The following POLQ variants were observed in gnomAD, a reference collection of about 807,000 sequenced individuals.
POLQ encodes DNA polymerase theta.
A neutral mutation model predicts 259.2 loss-of-function variants in POLQ; 233 were observed. That is an observed-to-expected ratio of 0.90 (90% CI 0.81 to 1.00). The LOEUF is 1.00. Among genes scored for constraint, POLQ ranks in the 50% least tolerant of loss-of-function variants. The pLI, the probability that POLQ is intolerant of heterozygous loss-of-function variation, is 0.00. For synonymous variants in POLQ, 1,025 were observed against 1,048.8 expected (o/e 0.98, Z 0.44); for missense variants, 2,871 against 3,051.6 (o/e 0.94, Z 1.39).
At position 121,441,746 on chromosome 3, in the gene POLQ, T is replaced by C. The variant is rs571429675; in HGVS notation, c.7265-1630A>G. Reference sequence around the variant, plus strand: ...CATGCTTTCATTTTTCTTGCACAAATACGATAGTAGAATTGCACGGTTATA... The same window carrying C: ...CATGCTTTCATTTTTCTTGCACAAACACGATAGTAGAATTGCACGGTTATA... On this transcript the variant is annotated intron_variant, in intron 26 of 29. Transcript: ENST00000264233. Among the ~76,000 whole-genome samples the C allele has an allele frequency of 2.6e-5, 4 of 152,332 alleles. No individual in the cohort carries two copies. The South Asian group carries it at 6.2e-4, about 24-fold the overall frequency.
intron 13 of POLQ, 23 bp from the exon 14 acceptor site, chr3:121,496,955 G>A (rs769949059): frequency 1.6e-5 from 26 of 1,610,172 alleles, no homozygotes; most frequent in African/African-American, 1.1e-4. Context: ...CATCAAAAGC[G>A]TGGTAAGAGA....
chr3:121,468,529 T>A, intron 22 of POLQ, 98 bp from the exon 23 acceptor site: 2 of 763,988 alleles, frequency 2.6e-6, no homozygotes, highest in Non-Finnish European at 4.3e-6. Context: ...AAATGCAGAC[T>A]ATCAATGCTG....
chr3:121,434,046 T>C (rs997055189), intron 28 of POLQ, among the ~76,000 whole-genome samples: 14 of 152,196 alleles, frequency 9.2e-5, no homozygotes, highest in African/African-American at 3.1e-4. Context: ...TCAGCTGAAA[T>C]CGGATCTGCC....
intron 28 of POLQ, among the ~76,000 whole-genome samples, chr3:121,434,754 C>G (rs918086108): frequency 6.6e-6 from 1 of 152,164 alleles, no homozygotes; most frequent in Non-Finnish European, 1.5e-5. Context: ...CTAGAAATAG[C>G]AAATCTCATC....
chr3:121,476,461 C>T, intron 20 of POLQ, 79 bp downstream of exon 20: 1 of 472,768 alleles, frequency 2.1e-6, no homozygotes, highest in Non-Finnish European at 3.2e-6. Context: ...TAAATACACA[C>T]ACACACACAC....
At position 121,472,124 on chromosome 3, in the gene POLQ, C is replaced by T. The variant is rs1187742104; in HGVS notation, c.6584G>A (p.Gly2195Asp). 6.4e-7 allele frequency: 1 copy of T among 1,562,814 alleles called. No homozygotes were observed. Among genetic ancestry groups the T allele is most frequent in the Admixed American group, 1.7e-5 (1 of 58,780 alleles). Reference protein sequence around the residue: ...NKLKALHPLPGLILEWRRITN... With the variant: ...NKLKALHPLPDLILEWRRITN... Reference sequence around the variant, plus strand: ...GATTCTTCTCCATTCTAATATCAAGCCTGGTAAAGGATGTAATGCCTTTAA... The same window carrying T: ...GATTCTTCTCCATTCTAATATCAAGTCTGGTAAAGGATGTAATGCCTTTAA... The change falls in exon 22 of 30, where the codon GGC becomes GAC. Residue 2195 changes from glycine to aspartate, a missense_variant. By Grantham distance (94) the Gly-to-Asp change is moderately conservative. Coordinates refer to ENST00000264233, the MANE Select transcript of POLQ (RefSeq NM_199420.4).
intron 18 of POLQ, among the ~76,000 whole-genome samples, chr3:121,483,135 A>T (rs2108795144): frequency 6.6e-6 from 1 of 152,262 alleles, no homozygotes; most frequent in Admixed American, 6.5e-5. Flanking sequence ...CCAAATTAAA[A>T]TTTTTTAAAA....
At chr3:121,500,053 G>C (rs1013243682) in intron 12 of POLQ, among the ~76,000 whole-genome samples, 1 of 152,096 alleles carries the variant, frequency 6.6e-6, no homozygotes, top group Non-Finnish European at 1.5e-5. Context: ...GGCTGAGAGG[G>C]GAGGACCACT....
chr3:121,455,495 TAAA>T (rs1365642206), intron 25 of POLQ, among the ~76,000 whole-genome samples: 15 of 141,378 alleles, frequency 1.1e-4, no homozygotes, highest in African/African-American at 4.0e-4. Flanking sequence ...GCAAGACTAA[TAAA>T]GAAGAAAAGA....
chr3:121,467,241 T>C (rs2047845632), intron 24 of POLQ, among the ~76,000 whole-genome samples: 3 of 152,178 alleles, frequency 2.0e-5, no homozygotes, highest in African/African-American at 7.2e-5. Flanking sequence ...CAAAACCAAC[T>C]GGACTTTGCA....
chr3:121,541,574 C>T, intron 2 of POLQ, 95 bp from the exon 3 acceptor site: 2 of 1,119,710 alleles, frequency 1.8e-6, no homozygotes, highest in Non-Finnish European at 2.5e-6. Flanking sequence ...TACTACAGAG[C>T]CTAAGGCTAA....
chr3:121,434,372 G>A (rs2047526143), intron 28 of POLQ, among the ~76,000 whole-genome samples: 1 of 152,120 alleles, frequency 6.6e-6, no homozygotes, highest in Admixed American at 6.5e-5. Flanking sequence ...CTGCTGTGTG[G>A]AATTAATACA....
intron 3 of POLQ, among the ~76,000 whole-genome samples, chr3:121,541,090 A>G (rs530008909): frequency 1.3e-5 from 2 of 152,254 alleles, no homozygotes; most frequent in East Asian, 3.9e-4. Flanking sequence ...CATGTTGGCC[A>G]GGCTGGTCTC....
In POLQ at chr3:121,444,773, G is replaced by A. The variant is rs1301972282; in HGVS notation, c.7264+4542C>T. 2.6e-5 allele frequency among the ~76,000 whole-genome samples: 4 copies of A among 152,102 alleles called. No homozygotes were observed. In the East Asian group the frequency reaches 7.7e-4, roughly 29 times the overall value. On this transcript the variant is annotated intron_variant, in intron 26 of 29. Coordinates refer to ENST00000264233, the MANE Select transcript of POLQ (RefSeq NM_199420.4). ...CACAGCTTTTATTATGTAGAGGTAT[G>A]TTTCTTGTAAACCCAGTTTTTTGAG...
rs2047540002 is a variant in POLQ at position 121,435,985 on chromosome 3, T to C, written c.7543+137A>G. 1.3e-5 allele frequency: 7 copies of C among 556,406 alleles called. No individual in the cohort carries two copies. In the South Asian group the frequency reaches 2.9e-4, roughly 23 times the overall value. 34.5% of individuals were successfully genotyped at this position (556,406 alleles called of 1,614,324 possible). On this transcript the variant is annotated intron_variant, in intron 28 of 29. Transcript: ENST00000264233. Reference sequence around the variant, plus strand: ...AGAGCTCTTTGAAATCCTTAATAATTTCTAATAGTATAAAGACATCATGAG... The same window carrying C: ...AGAGCTCTTTGAAATCCTTAATAATCTCTAATAGTATAAAGACATCATGAG...
Position 121,433,184 on chromosome 3 carries a change from C to T in POLQ, c.7544-151G>A, listed in dbSNP as rs1390955754. Reference sequence around the variant, plus strand: ...ATCAGGAAAATAACTACTTGCTGGTCGCTACCTACCCTAAGTATCCGGTAT... The same window carrying T: ...ATCAGGAAAATAACTACTTGCTGGTTGCTACCTACCCTAAGTATCCGGTAT... On this transcript the variant is annotated intron_variant, in intron 28 of 29. Coordinates refer to ENST00000264233, the MANE Select transcript of POLQ (RefSeq NM_199420.4). The T allele has an allele frequency of 3.8e-5, 23 of 613,250 alleles. No homozygotes were observed. In the East Asian group the frequency reaches 4.8e-4, roughly 13 times the overall value. The allele number at this position is 613,250 out of a possible 1,614,324, so 38.0% of individuals were successfully genotyped here.
intron 14 of POLQ, chr3:121,494,363 G>A: frequency 6.3e-7 from 1 of 1,594,656 alleles, no homozygotes; most frequent in Non-Finnish European, 8.5e-7. Flanking sequence ...GTTCACCCAG[G>A]CCCTGGACCG....
rs373615827 is a variant in POLQ at position 121,544,697 on chromosome 3, A to G, written c.343+30T>C. ...TATTCTTTACATTCATATCTTAAAA[A>G]TAGTAATTAGTTTACATAAATTTGG... On this transcript the variant is annotated intron_variant, in intron 2 of 29. Coordinates refer to ENST00000264233, the MANE Select transcript of POLQ (RefSeq NM_199420.4). 1.4e-4 allele frequency: 196 copies of G among 1,424,160 alleles called. No individual in the cohort carries two copies. The African/African-American group carries it at 2.6e-3, about 19-fold the overall frequency. 88.2% of individuals were successfully genotyped at this position (1,424,160 alleles called of 1,614,324 possible).
intron 24 of POLQ, among the ~76,000 whole-genome samples, chr3:121,465,811 T>G (rs1370543431): frequency 6.6e-6 from 1 of 152,180 alleles, no homozygotes; most frequent in Non-Finnish European, 1.5e-5. Context: ...CTCTCAGAAC[T>G]CCCTATTCCC....
Sources: gnomAD v4.1 joint callset for allele counts (sites outside exome capture counted in the v4.1 genomes callset) on GRCh38, gnomAD v4.1.1 for gene constraint, MANE v1.5 for transcripts, NCBI Gene and HGNC (gene_info 2026-07-23, HGNC 2026-07-21) for gene names.